Variants in JARID2 observed in about 807,000 individuals in gnomAD.
JARID2 encodes the protein jumonji and AT-rich interaction domain containing 2.
In JARID2, 21 loss-of-function variants were observed where a neutral mutation model predicts 125.6. That is an observed-to-expected ratio of 0.17 (90% CI 0.12 to 0.24). JARID2 has a LOEUF of 0.24. Ranked by LOEUF, JARID2 falls within the 10% of genes least tolerant of loss-of-function variation. The pLI, the probability that JARID2 is intolerant of heterozygous loss-of-function variation, is 1.00. For synonymous variants in JARID2, 736 were observed against 661.6 expected, an observed-to-expected ratio of 1.11 and a Z score of -1.73; for missense variants, 1,303 against 1,639.6, an observed-to-expected ratio of 0.79 and a Z score of 3.55.
At chr6:15,510,109 C>T (rs1486351657) in intron 12 of JARID2, among the ~76,000 whole-genome samples, 1 of 152,136 alleles carries the variant, frequency 6.6e-6, no homozygotes, top group East Asian at 1.9e-4. Context: ...CCCGCCTGGA[C>T]CTGGGGGGCG....
intron 2 of JARID2, among the ~76,000 whole-genome samples, chr6:15,379,134 CT>C (rs35768957): frequency 0.088 from 13,383 of 151,720 alleles, 757 homozygotes; most frequent in South Asian, 0.16. Flanking sequence ...TGCTATCAGT[CT>C]TGTTTTTGTG....
At chr6:15,504,129 C>T (rs1770879304) in intron 8 of JARID2, among the ~76,000 whole-genome samples, 1 of 147,988 alleles carries the variant, frequency 6.8e-6, no homozygotes, top group Non-Finnish European at 1.5e-5. Context: ...TCTCCGCTGG[C>T]CCGCAGCAGC....
At chr6:15,391,296 A>G (rs1290531515) in intron 2 of JARID2, among the ~76,000 whole-genome samples, 1 of 152,150 alleles carries the variant, frequency 6.6e-6, no homozygotes, top group African/African-American at 2.4e-5. Context: ...TGTTGGTGAA[A>G]GCTGCCCTGT....
chr6:15,341,697 T>G (rs2127469287), intron 1 of JARID2, among the ~76,000 whole-genome samples: 1 of 152,352 alleles, frequency 6.6e-6, no homozygotes, highest in East Asian at 1.9e-4. Context: ...TCTTTATTGT[T>G]AGTAAATGGC....
At chr6:15,418,803 TATGAAGAC>T (rs1183713923) in intron 3 of JARID2, among the ~76,000 whole-genome samples, 3 of 152,208 alleles carry the variant, frequency 2.0e-5, no homozygotes, top group African/African-American at 7.2e-5. Flanking sequence ...TGCCTCTGGA[TATGAAGAC>T]ATGTTGAAAG....
At chr6:15,262,161 T>C (rs1759908478) in intron 1 of JARID2, among the ~76,000 whole-genome samples, 1 of 151,848 alleles carries the variant, frequency 6.6e-6, no homozygotes, top group South Asian at 2.1e-4. Context: ...GCCTTTTTTT[T>C]TTTTTTGCCT....
At chr6:15,287,229 T>C (rs1761038480) in intron 1 of JARID2, among the ~76,000 whole-genome samples, 1 of 152,224 alleles carries the variant, frequency 6.6e-6, no homozygotes, top group African/African-American at 2.4e-5. Flanking sequence ...AAAAGTGCTT[T>C]TGCAATCGGG....
intron 1 of JARID2, among the ~76,000 whole-genome samples, chr6:15,339,863 C>T (rs375201589): frequency 1.4e-4 from 21 of 152,288 alleles, no homozygotes; most frequent in East Asian, 9.7e-4. Flanking sequence ...AGTTTATCTG[C>T]TCCCATACAA....
intron 1 of JARID2, among the ~76,000 whole-genome samples, chr6:15,309,159 T>G (rs985676962): frequency 1.3e-5 from 2 of 152,188 alleles, no homozygotes; most frequent in African/African-American, 4.8e-5. Context: ...TGTGTTCCAT[T>G]TTTGACCTCG....
chr6:15,434,177 T>C (rs987211794), intron 3 of JARID2, among the ~76,000 whole-genome samples: 1 of 152,066 alleles, frequency 6.6e-6, no homozygotes, highest in Non-Finnish European at 1.5e-5. Flanking sequence ...CGAAGTTTTG[T>C]TGTAGATCAG....
At chr6:15,395,077 A>G (rs1765168455) in intron 2 of JARID2, among the ~76,000 whole-genome samples, 1 of 152,202 alleles carries the variant, frequency 6.6e-6, no homozygotes, top group African/African-American at 2.4e-5. Flanking sequence ...TATTAGAAGC[A>G]AATCGTTGCT....
intron 2 of JARID2, among the ~76,000 whole-genome samples, chr6:15,388,857 T>A (rs1200345729): frequency 6.6e-6 from 1 of 152,104 alleles, no homozygotes; most frequent in African/African-American, 2.4e-5. Context: ...CTGGTTCAGC[T>A]CTTTCTGTGT....
chr6:15,249,027 TGGGAAGC>T (rs1200791748), intron 1 of JARID2: 3 of 896,078 alleles, frequency 3.3e-6, no homozygotes, highest in Admixed American at 6.2e-5. Flanking sequence ...TGATGCCACT[TGGGAAGC>T]GGGGAGCGGG....
chr6:15,318,170 C>T (rs529180888), intron 1 of JARID2, among the ~76,000 whole-genome samples: 1 of 152,090 alleles, frequency 6.6e-6, no homozygotes, highest in African/African-American at 2.4e-5. Context: ...AGAACCCTGC[C>T]ACTGCACTGC....
intron 2 of JARID2, among the ~76,000 whole-genome samples, chr6:15,382,866 TC>T (rs1242774020): frequency 6.6e-6 from 1 of 152,218 alleles, no homozygotes; most frequent in Non-Finnish European, 1.5e-5. Flanking sequence ...TCTGCCCGCC[TC>T]CTTTGTCAGT....
At chr6:15,460,773 C>T (rs1252475778) in intron 4 of JARID2, among the ~76,000 whole-genome samples, 8 of 152,184 alleles carry the variant, frequency 5.3e-5, no homozygotes, top group Non-Finnish European at 8.8e-5. Context: ...GGCGTGATCT[C>T]GGCTCACTGC....
chr6:15,499,424 T>C (rs1293797592), intron 7 of JARID2, among the ~76,000 whole-genome samples: 6 of 152,218 alleles, frequency 3.9e-5, no homozygotes, highest in African/African-American at 7.2e-5. Flanking sequence ...TTGCAAGCGC[T>C]GTGTGATTTT....
intron 7 of JARID2, among the ~76,000 whole-genome samples, chr6:15,500,481 G>A (rs915757128): frequency 6.6e-6 from 1 of 152,140 alleles, no homozygotes; most frequent in African/African-American, 2.4e-5. Flanking sequence ...ACGCTGGGCC[G>A]TGGGTGCAGC....
At chr6:15,425,266 A>G (rs2237145) in intron 3 of JARID2, among the ~76,000 whole-genome samples, 61,864 of 152,066 alleles carry the variant, frequency 0.41, 12,911 homozygotes, top group Admixed American at 0.48. Flanking sequence ...TGTGACCTCC[A>G]AGGAGCACAT....
Sources: gnomAD v4.1 joint callset for allele counts (sites outside exome capture counted in the v4.1 genomes callset) on GRCh38, gnomAD v4.1.1 for gene constraint, MANE v1.5 for transcripts, NCBI Gene and HGNC (gene_info 2026-07-23, HGNC 2026-07-21) for gene names.